Variants in ZNF804B observed in about 807,000 individuals in gnomAD.
The protein encoded by ZNF804B is zinc finger 804B.
In ZNF804B, 80 loss-of-function variants were observed where a neutral mutation model predicts 101.4. The ratio of observed to expected loss-of-function variants is 0.79; its 90% CI spans 0.66 to 0.95. The LOEUF is 0.95. Among genes scored for constraint, ZNF804B ranks in the 40% least tolerant of loss-of-function variants. The pLI is 0.00. For synonymous variants in ZNF804B, 622 were observed against 558.8 expected (o/e 1.11, Z -1.59); for missense variants, 1,673 against 1,561.9 (o/e 1.07, Z -1.20).
chr7:89,028,368 T>A (rs963525948), intron 1 of ZNF804B, among the ~76,000 whole-genome samples: 1 of 152,094 alleles, frequency 6.6e-6, no homozygotes, highest in Non-Finnish European at 1.5e-5. Context: ...TAAAATGGCA[T>A]TGAGGAGAAA....
At position 89,334,509 on chromosome 7, in the gene ZNF804B, G is replaced by A. The variant is rs1339643441; in HGVS notation, c.1527G>A (p.Lys509=). The A allele has an allele frequency of 1.2e-6, 2 of 1,613,646 alleles. No homozygotes were observed. The highest frequency in any genetic ancestry group is 1.7e-6 in the Non-Finnish European group (2 of 1,179,800). Residue 509 remains lysine (K), a synonymous_variant, in exon 4 of 4, where the codon AAG becomes AAA. Transcript: ENST00000333190. The part of the protein sequence containing the change: ...TELGKKPLEL[K]TKRESQVSGL... ...TGGGTAAGAAGCCCTTGGAATTGAA[G>A]ACTAAAAGAGAGAGCCAAGTCTCAG...
intron 1 of ZNF804B, among the ~76,000 whole-genome samples, chr7:89,041,287 C>T (rs541991779): frequency 1.3e-5 from 2 of 152,132 alleles, no homozygotes; most frequent in Non-Finnish European, 2.9e-5. Flanking sequence ...TAGAGTGGGC[C>T]TGGAGTCTGG....
intron 1 of ZNF804B, chr7:88,794,061 C>A (rs1354844587): frequency 2.8e-6 from 2 of 713,568 alleles, no homozygotes; most frequent in Admixed American, 3.2e-5. Flanking sequence ...TAATATATTA[C>A]CTCTGTGTAT....
At chr7:89,097,171 C>T (rs1483115680) in intron 1 of ZNF804B, among the ~76,000 whole-genome samples, 4 of 152,266 alleles carry the variant, frequency 2.6e-5, no homozygotes, top group South Asian at 4.1e-4. Context: ...TTCTGCAATC[C>T]CCGTCCCTCA....
At chr7:89,040,152 A>G (rs1788993855) in intron 1 of ZNF804B, among the ~76,000 whole-genome samples, 1 of 151,986 alleles carries the variant, frequency 6.6e-6, no homozygotes, top group Non-Finnish European at 1.5e-5. Flanking sequence ...TAAATCCCAT[A>G]GGCTTTCTTT....
intron 1 of ZNF804B, among the ~76,000 whole-genome samples, chr7:89,116,905 T>C (rs1191389958): frequency 6.6e-6 from 1 of 152,160 alleles, no homozygotes; most frequent in Non-Finnish European, 1.5e-5. Flanking sequence ...ATTGCAGATA[T>C]GATTAAGAAT....
chr7:88,956,399 T>C (rs1793309514), intron 1 of ZNF804B, among the ~76,000 whole-genome samples: 1 of 151,502 alleles, frequency 6.6e-6, no homozygotes, highest in Non-Finnish European at 1.5e-5. Flanking sequence ...CATACATAAA[T>C]AAAAGAAAAT....
intron 1 of ZNF804B, among the ~76,000 whole-genome samples, chr7:89,030,332 C>G (rs573168397): frequency 1.3e-5 from 2 of 152,146 alleles, no homozygotes; most frequent in South Asian, 4.1e-4. Context: ...GGAGAATAAA[C>G]GTCCTTGGAT....
At chr7:89,278,270 G>C (rs1790022610) in intron 2 of ZNF804B, among the ~76,000 whole-genome samples, 1 of 151,976 alleles carries the variant, frequency 6.6e-6, no homozygotes, top group East Asian at 1.9e-4. Flanking sequence ...AGATGAGTAG[G>C]TTGTGAAAAA....
chr7:89,012,178 G>A (rs937382013), intron 1 of ZNF804B, among the ~76,000 whole-genome samples: 1 of 152,072 alleles, frequency 6.6e-6, no homozygotes, highest in African/African-American at 2.4e-5. Flanking sequence ...GCCATGGCTG[G>A]GACACAGGAC....
At chr7:89,248,640 T>A (rs1017564859) in intron 2 of ZNF804B, among the ~76,000 whole-genome samples, 2 of 151,536 alleles carry the variant, frequency 1.3e-5, no homozygotes, top group Non-Finnish European at 2.9e-5. Flanking sequence ...CATAAGGGAG[T>A]TCTAAATAGA....
At chr7:88,794,005 CAAAT>C (rs1790427763) in intron 1 of ZNF804B, 3 of 473,230 alleles carry the variant, frequency 6.3e-6, no homozygotes, top group Admixed American at 3.8e-5. Flanking sequence ...AATACCACAA[CAAAT>C]AGATACATTT....
At chr7:89,287,945 C>A (rs1345183805) in intron 2 of ZNF804B, among the ~76,000 whole-genome samples, 46 of 122,368 alleles carry the variant, frequency 3.8e-4, no homozygotes, top group African/African-American at 1.2e-3. Context: ...AAAAAAAAAA[C>A]CACATACCAC....
chr7:89,084,243 G>GA (rs1195461183), intron 1 of ZNF804B, among the ~76,000 whole-genome samples: 1 of 151,850 alleles, frequency 6.6e-6, no homozygotes, highest in East Asian at 1.9e-4. Flanking sequence ...CAGTCTCAGG[G>GA]AGTGGGAGTG....
At chr7:88,975,861 C>G (rs1198199032) in intron 1 of ZNF804B, among the ~76,000 whole-genome samples, 2 of 151,690 alleles carry the variant, frequency 1.3e-5, no homozygotes, top group East Asian at 3.9e-4. Flanking sequence ...ATCCAGTGTC[C>G]TGCAGAATTT....
rs570357620 is a variant in ZNF804B, at chr7:89,055,988, T to C, written c.109-162167T>C. Among the ~76,000 whole-genome samples, 169 of 152,192 alleles carry C rather than the reference T, an allele frequency of 1.1e-3. 1 individual carries two copies. In the South Asian group the frequency reaches 0.016, roughly 15 times the overall value. On this transcript the variant is annotated intron_variant, in intron 1 of 3. Transcript: ENST00000333190. ...CACTTAGGGTGAGGATTTAAGACAA[T>C]TGTATTTCTTTTGGAAAGAAGCTTT...
At chr7:88,967,507 C>A (rs6964420) in intron 1 of ZNF804B, among the ~76,000 whole-genome samples, 99,714 of 151,288 alleles carry the variant, frequency 0.66, 33,727 homozygotes, top group African/African-American at 0.82. Context: ...GGACAAGGGA[C>A]AGACCACTTC....
chr7:89,142,827 C>T (rs528144545), intron 1 of ZNF804B, among the ~76,000 whole-genome samples: 1 of 152,116 alleles, frequency 6.6e-6, no homozygotes, highest in African/African-American at 2.4e-5. Context: ...TATTATTTAA[C>T]TGAGGACATC....
Position 89,066,407 on chromosome 7 carries a change from A to G in ZNF804B, c.109-151748A>G, listed in dbSNP as rs541285149. Among the ~76,000 whole-genome samples, 78 of 152,204 alleles carry G rather than the reference A, an allele frequency of 5.1e-4. 1 individual carries two copies. In the South Asian group the frequency reaches 0.016, roughly 31 times the overall value. On this transcript the variant is annotated intron_variant, in intron 1 of 3. Coordinates refer to ENST00000333190, the MANE Select transcript of ZNF804B (RefSeq NM_181646.5). ...CCTATGGTGCCTGGAACTCTTAAGTATATAGGGAGTGGAGGGGAATCAGTG... is the reference window on the plus strand; with the variant it reads ...CCTATGGTGCCTGGAACTCTTAAGTGTATAGGGAGTGGAGGGGAATCAGTG...
Sources: gnomAD v4.1 joint callset for allele counts (sites outside exome capture counted in the v4.1 genomes callset) on GRCh38, gnomAD v4.1.1 for gene constraint, MANE v1.5 for transcripts, NCBI Gene and HGNC (gene_info 2026-07-23, HGNC 2026-07-21) for gene names.